SLC24A3: variants seen among roughly 807,000 people sequenced by gnomAD.
SLC24A3 encodes the protein solute carrier family 24 member 3.
Under a neutral mutation model 75.8 loss-of-function variants are expected in SLC24A3, and 28 were observed. The ratio of observed to expected loss-of-function variants is 0.37; its 90% CI spans 0.27 to 0.51. SLC24A3 has a LOEUF of 0.51. SLC24A3 is among the 20% of genes least tolerant of loss of function. SLC24A3 has a pLI of 0.94. For synonymous variants in SLC24A3, 372 were observed against 334.1 expected (o/e 1.11, Z -1.24); for missense variants, 663 against 847.8 (o/e 0.78, Z 2.71).
At chr20:19,471,439 G>A (rs1291541789) in intron 2 of SLC24A3, among the ~76,000 whole-genome samples, 4 of 152,178 alleles carry the variant, frequency 2.6e-5, no homozygotes, top group African/African-American at 9.7e-5. Context: ...ACTGGAAGCT[G>A]GAAAGCCAGA....
intron 2 of SLC24A3, chr20:19,355,106 A>C (rs1175671982): frequency 1.3e-5 from 2 of 151,920 alleles, no homozygotes; most frequent in East Asian, 1.9e-4. Context: ...ACTGTGTGCC[A>C]CTCCTCAGAC....
intron 6 of SLC24A3, among the ~76,000 whole-genome samples, chr20:19,627,931 C>T (rs1005291104): frequency 5.9e-5 from 9 of 152,016 alleles, no homozygotes; most frequent in African/African-American, 2.2e-4. Flanking sequence ...GGAGTTGTGG[C>T]TCACTCCTGT....
At chr20:19,626,882 G>A (rs1474866892) in intron 6 of SLC24A3, among the ~76,000 whole-genome samples, 1 of 152,322 alleles carries the variant, frequency 6.6e-6, no homozygotes, top group Non-Finnish European at 1.5e-5. Context: ...ATGAATATGG[G>A]CTGTCACGTA....
intron 6 of SLC24A3, among the ~76,000 whole-genome samples, chr20:19,651,400 CAT>C (rs59934913): frequency 0.16 from 22,948 of 142,236 alleles, 2,730 homozygotes; most frequent in African/African-American, 0.34. Context: ...TATATACACA[CAT>C]ATATATATAT....
At chr20:19,552,022 G>A (rs1447821869) in intron 3 of SLC24A3, among the ~76,000 whole-genome samples, 1 of 152,204 alleles carries the variant, frequency 6.6e-6, no homozygotes, top group African/African-American at 2.4e-5. Context: ...TTGCCTGGAA[G>A]CTATTTTCTC....
intron 1 of SLC24A3, among the ~76,000 whole-genome samples, chr20:19,236,555 C>G (rs921680228): frequency 2.0e-5 from 3 of 151,948 alleles, no homozygotes; most frequent in African/African-American, 7.3e-5. Flanking sequence ...AGCTTGAGAC[C>G]AGCCTTGGCA....
chr20:19,432,862 G>A (rs1600479287), intron 2 of SLC24A3, among the ~76,000 whole-genome samples: 1 of 152,166 alleles, frequency 6.6e-6, no homozygotes, highest in Non-Finnish European at 1.5e-5. Flanking sequence ...GGATGATGGT[G>A]GTTGTAACTG....
intron 2 of SLC24A3, among the ~76,000 whole-genome samples, chr20:19,355,849 C>T (rs1985671485): frequency 6.6e-6 from 1 of 152,120 alleles, no homozygotes; most frequent in African/African-American, 2.4e-5. Flanking sequence ...TACCTGACTG[C>T]CGTTGATGAT....
intron 6 of SLC24A3, among the ~76,000 whole-genome samples, chr20:19,653,564 G>A (rs546230690): frequency 2.0e-5 from 3 of 152,314 alleles, no homozygotes; most frequent in African/African-American, 7.2e-5. Flanking sequence ...TGTAGCAGAC[G>A]CTAGACTCAT....
intron 3 of SLC24A3, among the ~76,000 whole-genome samples, chr20:19,562,228 C>G (rs1038371006): frequency 1.3e-5 from 2 of 152,170 alleles, no homozygotes; most frequent in African/African-American, 4.8e-5. Flanking sequence ...CATCTGCAAA[C>G]TGCAAGTGTA....
intron 5 of SLC24A3, among the ~76,000 whole-genome samples, 169 bp from the exon 6 acceptor site, chr20:19,585,272 A>G (rs1034081960): frequency 6.6e-6 from 1 of 152,116 alleles, no homozygotes; most frequent in African/African-American, 2.4e-5. Context: ...CAAGCCCATC[A>G]CACTCCTGTG....
intron 15 of SLC24A3, among the ~76,000 whole-genome samples, chr20:19,713,894 G>A (rs900217132): frequency 5.3e-5 from 8 of 152,154 alleles, no homozygotes; most frequent in African/African-American, 1.7e-4. Flanking sequence ...GAATGACCAA[G>A]AAGAGATTCA....
intron 2 of SLC24A3, among the ~76,000 whole-genome samples, chr20:19,393,166 A>C (rs1290245878): frequency 6.6e-6 from 1 of 152,240 alleles, no homozygotes; most frequent in Non-Finnish European, 1.5e-5. Context: ...AAATATACAC[A>C]GAAAACATAA....
chr20:19,619,692 T>C (rs555531798), intron 6 of SLC24A3, among the ~76,000 whole-genome samples: 2 of 152,208 alleles, frequency 1.3e-5, no homozygotes, highest in African/African-American at 2.4e-5. Flanking sequence ...CTTTGGTGCA[T>C]TGGGTTGTAG....
intron 2 of SLC24A3, among the ~76,000 whole-genome samples, chr20:19,351,293 G>A (rs1352751473): frequency 6.6e-6 from 1 of 152,138 alleles, no homozygotes; most frequent in Non-Finnish European, 1.5e-5. Flanking sequence ...AAATACTTTT[G>A]CAAAGCTGAA....
At chr20:19,299,996 A>G (rs1163580724) in intron 2 of SLC24A3, among the ~76,000 whole-genome samples, 1 of 152,190 alleles carries the variant, frequency 6.6e-6, no homozygotes, top group African/African-American at 2.4e-5. Flanking sequence ...GGACACATCC[A>G]ACTCAGTGAT....
chr20:19,423,076 G>T (rs1258917835), intron 2 of SLC24A3, among the ~76,000 whole-genome samples: 1 of 152,182 alleles, frequency 6.6e-6, no homozygotes, highest in Non-Finnish European at 1.5e-5. Flanking sequence ...AACTCCTATG[G>T]CTGGGCACCT....
chr20:19,290,726 G>T (rs1983921684), intron 2 of SLC24A3, among the ~76,000 whole-genome samples: 1 of 152,172 alleles, frequency 6.6e-6, no homozygotes, highest in Non-Finnish European at 1.5e-5. Flanking sequence ...TTGCATGGGT[G>T]GTCTCTGTCA....
chr20:19,621,138 C>T (rs531110329), intron 6 of SLC24A3, among the ~76,000 whole-genome samples: 5 of 152,312 alleles, frequency 3.3e-5, no homozygotes, highest in African/African-American at 1.2e-4. Context: ...TTCCAGCAAA[C>T]ACAAAAGTAA....
Sources: allele counts gnomAD v4.1 joint callset (sites outside exome capture counted in the v4.1 genomes callset), GRCh38; gene constraint gnomAD v4.1.1; transcripts MANE v1.5; gene names NCBI Gene and HGNC (gene_info 2026-07-23, HGNC 2026-07-21).